The following JAKMIP3 variants were observed in gnomAD, a reference collection of about 807,000 sequenced individuals.
The protein encoded by JAKMIP3 is Janus kinase and microtubule interacting protein 3.
In JAKMIP3, 58 loss-of-function variants were observed where a neutral mutation model predicts 118.5. The ratio of observed to expected loss-of-function variants is 0.49; its 90% CI spans 0.40 to 0.61. The LOEUF (loss-of-function observed/expected upper bound fraction) is 0.61, where lower values mean the gene tolerates loss of function less well. Ranked by LOEUF, JAKMIP3 falls within the 20% of genes least tolerant of loss-of-function variation. JAKMIP3 has a pLI of 0.00. For synonymous variants in JAKMIP3, 486 were observed against 451.2 expected (o/e 1.08, Z -0.98); for missense variants, 950 against 1,109.0 (o/e 0.86, Z 2.04).
Position 132,179,167 on chromosome 10 carries a change from C to T in JAKMIP3, c.*1104-3190C>T, listed in dbSNP as rs2060460714. On this transcript the variant is annotated intron_variant, in intron 23 of 23. Transcript: ENST00000684848. This position sits in a 1 kb window ranked among gnomAD's most constrained non-coding sequence, Gnocchi z 4.3. ...GATTGTGGTTGTCAACTTGTTCCTACACTTCATCAGCTATCCTCGTTGCAG... is the reference window on the plus strand; with the variant it reads ...GATTGTGGTTGTCAACTTGTTCCTATACTTCATCAGCTATCCTCGTTGCAG... 6.6e-6 allele frequency among the ~76,000 whole-genome samples: 1 copy of T among 152,236 alleles called. No individual in the cohort carries two copies. The highest frequency in any genetic ancestry group is 2.1e-4 in the South Asian group (1 of 4,838).
chr10:132,179,573 G>A lies in JAKMIP3; in HGVS notation c.*1104-2784G>A, dbSNP rs2060507465. 2.6e-5 allele frequency among the ~76,000 whole-genome samples: 4 copies of A among 152,138 alleles called. No homozygotes were observed. The highest frequency in any genetic ancestry group is 2.6e-4 in the Admixed American group (4 of 15,290). ...ATGCGCTCCCTGAAGGCAATTCGCA[G>A]CCCCATGTTCCCCCCACCCCCCACA... is the stretch of plus-strand genomic sequence containing the variant. On this transcript the variant is annotated intron_variant, in intron 23 of 23. Coordinates refer to ENST00000684848, the MANE Select transcript of JAKMIP3 (RefSeq NM_001323087.2). The surrounding 1 kb of genome is among the most constrained non-coding windows in gnomAD (Gnocchi z 4.3).
At chr10:132,050,825 C>T (rs1049803774) in intron 1 of JAKMIP3, among the ~76,000 whole-genome samples, 15 of 152,272 alleles carry the variant, frequency 9.9e-5, no homozygotes, top group Non-Finnish European at 7.3e-5. Flanking sequence ...AGTTGTTCTG[C>T]ATCCTTGCTA....
At chr10:132,122,891 G>A (rs12356122) in intron 3 of JAKMIP3, among the ~76,000 whole-genome samples, 22,842 of 152,240 alleles carry the variant, frequency 0.15, 1,902 homozygotes, top group East Asian at 0.25. Context: ...TGCCCTGTAC[G>A]TGTCAGAATG....
intron 23 of JAKMIP3, among the ~76,000 whole-genome samples, chr10:132,180,698 T>TGTGTGCGCGC (rs1554963251): frequency 6.5e-5 from 1 of 15,412 alleles, no homozygotes; most frequent in African/African-American, 2.0e-4. Context: ...TGTGCGTGCG[T>TGTGTGCGCGC]GTGTGTGTGC....
At chr10:132,082,802 A>C (rs935519500) in intron 1 of JAKMIP3, among the ~76,000 whole-genome samples, 4 of 152,020 alleles carry the variant, frequency 2.6e-5, no homozygotes, top group African/African-American at 9.7e-5. Flanking sequence ...ATAGAGACAG[A>C]GTTTCACCAT....
At chr10:132,107,710 C>T (rs1305075932) in intron 2 of JAKMIP3, among the ~76,000 whole-genome samples, 4 of 152,330 alleles carry the variant, frequency 2.6e-5, no homozygotes, top group South Asian at 2.1e-4. Flanking sequence ...GTCAGTTCCA[C>T]GTGGAACAGT....
At chr10:132,046,253 G>T (rs2037911937) in intron 1 of JAKMIP3, among the ~76,000 whole-genome samples, 1 of 152,132 alleles carries the variant, frequency 6.6e-6, no homozygotes, top group South Asian at 2.1e-4. Context: ...AGGAGATCAA[G>T]ACCATCCTGG....
rs1325490942 is a variant in JAKMIP3 at position 132,049,928 on chromosome 10, T to C, written c.-138+13190T>C. Among the ~76,000 whole-genome samples the C allele has an allele frequency of 1.2e-4, 19 of 152,372 alleles. No homozygotes were observed. The East Asian group carries it at 3.7e-3, about 29-fold the overall frequency. ...CCCAGCTTAATGAATCCCTTTTCTGTCAGCCTGGCGATGTCCACACATTTT... is the reference window on the plus strand; with the variant it reads ...CCCAGCTTAATGAATCCCTTTTCTGCCAGCCTGGCGATGTCCACACATTTT... On this transcript the variant is annotated intron_variant, in intron 1 of 23. Coordinates refer to the JAKMIP3 transcript ENST00000657785. This position sits in a 1 kb window ranked among gnomAD's most constrained non-coding sequence, Gnocchi z 4.3.
At chr10:132,171,714 C>T (rs1411707377) in intron 23 of JAKMIP3, among the ~76,000 whole-genome samples, 1 of 148,712 alleles carries the variant, frequency 6.7e-6, no homozygotes, top group Non-Finnish European at 1.5e-5. Flanking sequence ...TTCAGTGGCG[C>T]GATCTCGGCT....
intron 3 of JAKMIP3, among the ~76,000 whole-genome samples, chr10:132,129,924 C>T (rs1004416176): frequency 3.4e-5 from 5 of 147,496 alleles, no homozygotes; most frequent in African/African-American, 1.0e-4. Context: ...GATTCCAGCA[C>T]GAGACCACCA....
chr10:132,143,887 C>T (rs917840154), intron 11 of JAKMIP3: 2 of 152,312 alleles, frequency 1.3e-5, no homozygotes, highest in African/African-American at 4.8e-5. Context: ...AATTCCCTCT[C>T]TGCTAAGCAT....
chr10:132,039,945 CTTTGT>C (rs1054148294), intron 1 of JAKMIP3, among the ~76,000 whole-genome samples: 41 of 152,338 alleles, frequency 2.7e-4, no homozygotes, highest in Admixed American at 5.2e-4. Flanking sequence ...GCTCGTGCTT[CTTTGT>C]TTTGTTTATA....
At chr10:132,079,302 C>T (rs369711765) in intron 1 of JAKMIP3, among the ~76,000 whole-genome samples, 7 of 152,346 alleles carry the variant, frequency 4.6e-5, no homozygotes, top group African/African-American at 1.7e-4. Context: ...TTGCTGTTTT[C>T]CCTGAAGTCT....
chr10:132,127,658 C>G (rs543510242), intron 3 of JAKMIP3, among the ~76,000 whole-genome samples: 4 of 152,072 alleles, frequency 2.6e-5, no homozygotes, highest in African/African-American at 4.8e-5. Flanking sequence ...TTTTTACTCT[C>G]ATCCCCCTGT....
At chr10:132,053,692 T>C (rs1233698177) in intron 1 of JAKMIP3, among the ~76,000 whole-genome samples, 1 of 152,090 alleles carries the variant, frequency 6.6e-6, no homozygotes, top group Non-Finnish European at 1.5e-5. Context: ...ATTGTTTCCA[T>C]GGTTTGAAGA....
chr10:132,135,227 A>G, intron 5 of JAKMIP3, 67 bp downstream of exon 5: 1 of 1,487,086 alleles, frequency 6.7e-7, no homozygotes, highest in South Asian at 1.2e-5. Flanking sequence ...CCTGGGGGGC[A>G]TCCACTTTCA....
chr10:132,113,182 C>T (rs2047131065), intron 2 of JAKMIP3, among the ~76,000 whole-genome samples: 1 of 152,224 alleles, frequency 6.6e-6, no homozygotes, highest in South Asian at 2.1e-4. Context: ...GGTAGATGAT[C>T]TGTGAATGGC....
intron 2 of JAKMIP3, among the ~76,000 whole-genome samples, chr10:132,106,549 C>T (rs186596316): frequency 3.9e-5 from 6 of 152,270 alleles, no homozygotes; most frequent in Admixed American, 3.9e-4. Context: ...CTTCGGGGCA[C>T]AGCTCGGGGA....
chr10:132,041,206 C>T (rs2037735422), intron 1 of JAKMIP3, among the ~76,000 whole-genome samples: 1 of 152,208 alleles, frequency 6.6e-6, no homozygotes, highest in East Asian at 1.9e-4. Flanking sequence ...CAAGTGTGTG[C>T]CACCATGTCC....
Sources: allele counts gnomAD v4.1 joint callset (sites outside exome capture counted in the v4.1 genomes callset), GRCh38; gene constraint gnomAD v4.1.1; non-coding constraint Gnocchi (gnomAD v3.1); transcripts MANE v1.5; gene names NCBI Gene and HGNC (gene_info 2026-07-23, HGNC 2026-07-21).